SLC7A11: variants seen among roughly 807,000 people sequenced by gnomAD.
The protein encoded by SLC7A11 is solute carrier family 7 member 11, also known as cystine/glutamate transporter.
SLC7A11 carries 35 observed loss-of-function variants against 54.5 expected under a neutral mutation model. The ratio of observed to expected loss-of-function variants is 0.64; its 90% CI spans 0.49 to 0.85. The LOEUF is 0.85. Among genes scored for constraint, SLC7A11 ranks in the 40% least tolerant of loss-of-function variants. SLC7A11 has a pLI of 0.00. For synonymous variants in SLC7A11, 230 were observed against 225.2 expected (o/e 1.02, Z -0.19); for missense variants, 583 against 618.1 (o/e 0.94, Z 0.60).
intron 11 of SLC7A11, among the ~76,000 whole-genome samples, chr4:138,173,884 C>G (rs985911376): frequency 6.6e-6 from 1 of 151,922 alleles, no homozygotes; most frequent in Non-Finnish European, 1.5e-5. Context: ...AGGGAAATGA[C>G]AAACTTATTC....
intron 6 of SLC7A11, among the ~76,000 whole-genome samples, chr4:138,196,280 C>T (rs1336557282): frequency 6.6e-6 from 1 of 152,138 alleles, no homozygotes; most frequent in Non-Finnish European, 1.5e-5. Flanking sequence ...ATGGTGTGAT[C>T]AGCCAGCAGC....
rs1047554053 is a variant in SLC7A11, at chr4:138,227,216, T to C, written c.521-3892A>G. The stretch of plus-strand genomic sequence containing the variant: ...TTCTTCTTGGCTTCTGAATTCTGAG[T>C]ACTTTGTGCTTAACTGATAAAATAT... On this transcript the variant is annotated intron_variant, in intron 3 of 11. Transcript: ENST00000280612. 2.0e-5 allele frequency among the ~76,000 whole-genome samples: 3 copies of C among 152,220 alleles called. No individual in the cohort carries two copies. The East Asian group carries it at 5.8e-4, about 29-fold the overall frequency.
At chr4:138,198,928 AG>A (rs1469647162) in intron 6 of SLC7A11, among the ~76,000 whole-genome samples, 2 of 152,140 alleles carry the variant, frequency 1.3e-5, no homozygotes, top group African/African-American at 4.8e-5. Flanking sequence ...CATGAAATGA[AG>A]ACGGTGAGAC....
At chr4:138,184,198 T>C (rs940272577) in intron 7 of SLC7A11, among the ~76,000 whole-genome samples, 22 of 152,164 alleles carry the variant, frequency 1.4e-4, no homozygotes, top group African/African-American at 5.1e-4. Context: ...GTATATTTGA[T>C]TGTCTGGTGG....
intron 4 of SLC7A11, among the ~76,000 whole-genome samples, chr4:138,220,338 A>T (rs1382209412): frequency 1.3e-5 from 2 of 152,138 alleles, no homozygotes; most frequent in African/African-American, 2.4e-5. Flanking sequence ...GGCTGATTTC[A>T]ACCTATAATA....
In SLC7A11 at chr4:138,182,956, T is replaced by C. The variant is rs115001718; in HGVS notation, c.1019+246A>G. 6.3e-3 allele frequency among the ~76,000 whole-genome samples: 954 copies of C among 152,200 alleles called. 7 individuals carry two copies. Among genetic ancestry groups the C allele is most frequent in the Middle Eastern group, 0.031 (9 of 294 alleles). ...CAGAAATAAAATGCCATTGTTAGAC[T>C]GTGGAAATACTATTTTTAAAAAAGC... On this transcript the variant is annotated intron_variant, in intron 8 of 11. Transcript: ENST00000280612.
rs754244358 is a variant in SLC7A11, at chr4:138,207,508, C to G, written c.791+7077G>C. 1.4e-4 allele frequency among the ~76,000 whole-genome samples: 21 copies of G among 152,128 alleles called. No individual in the cohort carries two copies. The East Asian group carries it at 1.6e-3, about 11-fold the overall frequency. Reference sequence around the variant, plus strand: ...TCACTTGAGATCAGGAGTTCAAGAACAGCCTGATCAACATGGTGAAACCCC... The same window carrying G: ...TCACTTGAGATCAGGAGTTCAAGAAGAGCCTGATCAACATGGTGAAACCCC... On this transcript the variant is annotated intron_variant, in intron 6 of 11. Coordinates refer to ENST00000280612, the MANE Select transcript of SLC7A11 (RefSeq NM_014331.4).
chr4:138,171,815 G>A lies in SLC7A11; in HGVS notation c.*141C>T. ...ATTTCTTAGAAATTAGTTCGAATATGCTAAAATATATGAATAAAAATAACT... is the reference window on the plus strand; with the variant it reads ...ATTTCTTAGAAATTAGTTCGAATATACTAAAATATATGAATAAAAATAACT... On this transcript the variant is annotated 3_prime_UTR_variant, in exon 12 of 12. Coordinates refer to ENST00000280612, the MANE Select transcript of SLC7A11 (RefSeq NM_014331.4). The A allele has an allele frequency of 9.2e-7, 1 of 1,092,832 alleles. No homozygotes were observed. The highest frequency in any genetic ancestry group is 1.7e-5 in the South Asian group (1 of 59,868). The allele number at this position is 1,092,832 out of a possible 1,614,324, so 67.7% of individuals were successfully genotyped here.
intron 6 of SLC7A11, among the ~76,000 whole-genome samples, chr4:138,211,229 G>A (rs750095573): frequency 1.3e-5 from 2 of 151,744 alleles, no homozygotes; most frequent in Admixed American, 6.6e-5. Context: ...ATAAATACTG[G>A]GGACTACTAG....
intron 11 of SLC7A11, 146 bp downstream of exon 11, chr4:138,179,071 A>T (rs1736652774): frequency 1.7e-6 from 1 of 579,348 alleles, no homozygotes; most frequent in Admixed American, 3.2e-5. Flanking sequence ...TTCCTGCCAA[A>T]AAGCAGTTCC....
chr4:138,236,266 G>C, intron 2 of SLC7A11, 59 bp downstream of exon 2: 1 of 1,439,830 alleles, frequency 6.9e-7, no homozygotes, highest in Non-Finnish European at 9.6e-7. Context: ...AAATAATCAA[G>C]GTGATTCATA....
At chr4:138,225,083 G>T (rs1385136869) in intron 3 of SLC7A11, among the ~76,000 whole-genome samples, 3 of 143,578 alleles carry the variant, frequency 2.1e-5, no homozygotes, top group East Asian at 4.1e-4. Flanking sequence ...AAAAAGAGGG[G>T]TAACTAAATG....
intron 1 of SLC7A11, among the ~76,000 whole-genome samples, chr4:138,238,277 T>A (rs1738289288): frequency 6.6e-6 from 1 of 152,150 alleles, no homozygotes; most frequent in Non-Finnish European, 1.5e-5. Context: ...CCTAGTACAG[T>A]ACATGGCCTG....
intron 10 of SLC7A11, 70 bp from the exon 11 acceptor site, chr4:138,179,464 G>A (rs903791022): frequency 4.4e-6 from 6 of 1,349,610 alleles, no homozygotes; most frequent in African/African-American, 1.4e-5. Flanking sequence ...TGAGATGAGC[G>A]TGTCAGTCAT....
intron 1 of SLC7A11, among the ~76,000 whole-genome samples, chr4:138,237,724 TATATATATA>T (rs1738257667): frequency 8.7e-4 from 9 of 10,400 alleles, no homozygotes; most frequent in Non-Finnish European, 1.3e-3. Context: ...TATATATATA[TATATATATA>T]TATATTTTTT....
intron 4 of SLC7A11, among the ~76,000 whole-genome samples, 169 bp downstream of exon 4, chr4:138,223,030 A>G (rs1578664855): frequency 6.6e-6 from 1 of 152,142 alleles, no homozygotes; most frequent in African/African-American, 2.4e-5. Context: ...TGTAAAAACC[A>G]ACTCACTCAC....
At chr4:138,215,677 T>C (rs2059023567) in intron 5 of SLC7A11, among the ~76,000 whole-genome samples, 1 of 152,064 alleles carries the variant, frequency 6.6e-6, no homozygotes, top group South Asian at 2.1e-4. Context: ...TCAGTACTTA[T>C]ATCTGCAATA....
intron 2 of SLC7A11, among the ~76,000 whole-genome samples, chr4:138,235,262 T>C (rs1210138786): frequency 6.6e-6 from 1 of 152,088 alleles, no homozygotes; most frequent in African/African-American, 2.4e-5. Context: ...CCAAAAGGAA[T>C]AGAAGTGCAT....
intron 6 of SLC7A11, among the ~76,000 whole-genome samples, chr4:138,193,977 A>G (rs1737072185): frequency 6.6e-6 from 1 of 152,202 alleles, no homozygotes; most frequent in African/African-American, 2.4e-5. Context: ...AATGAAGCTA[A>G]TGTTAGTAGG....
Sources: allele counts gnomAD v4.1 joint callset (sites outside exome capture counted in the v4.1 genomes callset), GRCh38; gene constraint gnomAD v4.1.1; transcripts MANE v1.5; gene names NCBI Gene and HGNC (gene_info 2026-07-23, HGNC 2026-07-21).